Variants in CSMD2 observed in about 807,000 individuals in gnomAD.
The protein encoded by CSMD2 is CUB and sushi domain-containing protein 2.
Under a neutral mutation model 398.5 loss-of-function variants are expected in CSMD2, and 130 were observed. The ratio of observed to expected loss-of-function variants is 0.33; its 90% CI spans 0.28 to 0.38. CSMD2 has a LOEUF of 0.38. Ranked by LOEUF, CSMD2 falls within the 10% of genes least tolerant of loss-of-function variation. CSMD2 has a pLI of 1.00. For missense variants in CSMD2, 3,829 were observed against 4,764.9 expected (o/e 0.80, Z 5.78); for synonymous variants, 1,828 against 1,908.5 (o/e 0.96, Z 1.10).
intron 4 of CSMD2, among the ~76,000 whole-genome samples, chr1:33,927,767 C>T (rs1644175832): frequency 6.6e-6 from 1 of 152,124 alleles, no homozygotes; most frequent in Non-Finnish European, 1.5e-5. Flanking sequence ...GACGCTTCCT[C>T]CTGCTCCCTT....
chr1:33,831,284 G>A (rs1159030994), intron 6 of CSMD2, among the ~76,000 whole-genome samples: 1 of 152,114 alleles, frequency 6.6e-6, no homozygotes, highest in African/African-American at 2.4e-5. Flanking sequence ...ACCCACAAAG[G>A]GAAGCCCATC....
At chr1:33,998,906 C>T (rs1646809363) in intron 3 of CSMD2, among the ~76,000 whole-genome samples, 1 of 152,034 alleles carries the variant, frequency 6.6e-6, no homozygotes, top group South Asian at 2.1e-4. Context: ...TGTGGATGCC[C>T]CCAGAGAGTT....
chr1:34,002,206 C>T (rs1646926370), intron 3 of CSMD2, among the ~76,000 whole-genome samples: 1 of 152,206 alleles, frequency 6.6e-6, no homozygotes, highest in Non-Finnish European at 1.5e-5. Flanking sequence ...AAAACCTTAA[C>T]AATGCTCTAC....
At chr1:33,794,836 G>A (rs192876339) in intron 10 of CSMD2, among the ~76,000 whole-genome samples, 1 of 151,880 alleles carries the variant, frequency 6.6e-6, no homozygotes, top group East Asian at 1.9e-4. Flanking sequence ...AGTGGGTTGT[G>A]GGCCCGTAGC....
intron 10 of CSMD2, 35 bp from the exon 11 acceptor site, chr1:33,792,561 G>A: frequency 6.8e-7 from 1 of 1,465,144 alleles, no homozygotes; most frequent in Non-Finnish European, 9.6e-7. Flanking sequence ...AGCAGGCAGG[G>A]GCTGTGAGGA....
intron 3 of CSMD2, among the ~76,000 whole-genome samples, chr1:34,026,464 A>C (rs1649656880): frequency 6.6e-6 from 1 of 152,222 alleles, no homozygotes; most frequent in Admixed American, 6.5e-5. Context: ...ACTTAGCTAA[A>C]CAAAGAAATA....
intron 25 of CSMD2, among the ~76,000 whole-genome samples, chr1:33,687,567 A>G (rs1645099041): frequency 6.6e-6 from 1 of 152,208 alleles, no homozygotes; most frequent in Admixed American, 6.5e-5. Context: ...AACAATAAAA[A>G]AAAGCAATAT....
At chr1:33,601,986 T>C (rs1325683307) in intron 43 of CSMD2, among the ~76,000 whole-genome samples, 1 of 152,158 alleles carries the variant, frequency 6.6e-6, no homozygotes, top group Non-Finnish European at 1.5e-5. Flanking sequence ...ATCACAAAAT[T>C]CCACCTCAAA....
At chr1:33,531,666 A>G (rs903265418) in intron 64 of CSMD2, among the ~76,000 whole-genome samples, 4 of 152,260 alleles carry the variant, frequency 2.6e-5, no homozygotes, top group Admixed American at 6.5e-5. Flanking sequence ...AGATGCCACA[A>G]CATGGTTAAA....
intron 55 of CSMD2, 67 bp from the exon 56 acceptor site, chr1:33,550,417 C>T: frequency 1.3e-6 from 2 of 1,494,558 alleles, no homozygotes; most frequent in South Asian, 1.2e-5. Context: ...ACAATCCATG[C>T]TAGGCTTCTT....
intron 1 of CSMD2, among the ~76,000 whole-genome samples, chr1:34,142,217 G>A (rs917676948): frequency 2.6e-5 from 4 of 152,058 alleles, no homozygotes; most frequent in South Asian, 2.1e-4. Context: ...CTGTCCTGGC[G>A]GCCCCCTCAG....
At chr1:33,804,833 T>C (rs1313848863) in intron 10 of CSMD2, 1 of 717,336 alleles carries the variant, frequency 1.4e-6, no homozygotes, top group Non-Finnish European at 2.6e-6. Context: ...TCCTCAGTCT[T>C]AGACTTTGAG....
At chr1:33,794,382 C>A (rs1046225253) in intron 10 of CSMD2, among the ~76,000 whole-genome samples, 21 of 152,152 alleles carry the variant, frequency 1.4e-4, no homozygotes, top group African/African-American at 4.8e-4. Flanking sequence ...TTAAAGGAGG[C>A]TTCTTGGAGG....
At chr1:34,057,540 G>T (rs371589707) in intron 2 of CSMD2, among the ~76,000 whole-genome samples, 7 of 152,018 alleles carry the variant, frequency 4.6e-5, no homozygotes, top group Non-Finnish European at 8.8e-5. Context: ...GCCCCCTCCC[G>T]GCAGGCAGCT....
At chr1:33,650,653 C>A (rs1643708432) in intron 28 of CSMD2, among the ~76,000 whole-genome samples, 1 of 151,936 alleles carries the variant, frequency 6.6e-6, no homozygotes, top group South Asian at 2.1e-4. Context: ...CAATAGAGGG[C>A]CATGATAGGA....
At chr1:33,742,733 T>C (rs533985238) in intron 14 of CSMD2, among the ~76,000 whole-genome samples, 16 of 152,230 alleles carry the variant, frequency 1.1e-4, no homozygotes, top group Admixed American at 1.0e-3. Context: ...GGAAATTCCC[T>C]AAGAGTTGTC....
intron 5 of CSMD2, among the ~76,000 whole-genome samples, chr1:33,855,011 G>A (rs1193496035): frequency 6.6e-6 from 1 of 152,160 alleles, no homozygotes; most frequent in South Asian, 2.1e-4. Context: ...GGTGTTTCCT[G>A]CCTCTATAGA....
chr1:33,620,830 T>C (rs1033296128), intron 37 of CSMD2, among the ~76,000 whole-genome samples: 8 of 144,800 alleles, frequency 5.5e-5, no homozygotes, highest in East Asian at 2.1e-4. Context: ...TTTTTTTTTT[T>C]CCAGGTGCAT....
intron 1 of CSMD2, among the ~76,000 whole-genome samples, chr1:34,145,177 G>A (rs998847336): frequency 6.6e-6 from 1 of 152,232 alleles, no homozygotes; most frequent in African/African-American, 2.4e-5. Flanking sequence ...CTTAGACAAA[G>A]TGAATAAGAA....
Sources: allele counts gnomAD v4.1 joint callset (sites outside exome capture counted in the v4.1 genomes callset), GRCh38; gene constraint gnomAD v4.1.1; transcripts MANE v1.5; gene names NCBI Gene and HGNC (gene_info 2026-07-23, HGNC 2026-07-21).